The following RAB21 variants were observed in gnomAD, a reference collection of about 807,000 sequenced individuals.
RAB21 encodes RAB21, member RAS oncogene family, also known as ras-related protein Rab-21.
A neutral mutation model predicts 33.1 loss-of-function variants in RAB21; 13 were observed. That is an observed-to-expected ratio of 0.39 (90% CI 0.26 to 0.62). The LOEUF (loss-of-function observed/expected upper bound fraction) is 0.62, where lower values mean the gene tolerates loss of function less well. Among genes scored for constraint, RAB21 ranks in the 20% least tolerant of loss-of-function variants. The pLI is 0.48. For synonymous variants in RAB21, 91 were observed against 103.7 expected, an observed-to-expected ratio of 0.88 and a Z score of 0.74; for missense variants, 234 against 279.1, an observed-to-expected ratio of 0.84 and a Z score of 1.15.
Position 71,785,910 on chromosome 12 carries a change from GTTT to G in RAB21, c.*244_*246del. 3 of 357,270 alleles carry G rather than the reference GTTT, an allele frequency of 8.4e-6. No homozygotes were observed. The highest frequency in any genetic ancestry group is 9.2e-6 in the Non-Finnish European group (2 of 216,528). The allele number at this position is 357,270 out of a possible 1,614,324, so 22.1% of individuals were successfully genotyped here. Reference sequence around the variant, plus strand: ...TTTTGTTTTTTTTTTGTTTTTTTTTGTTTTTTTTTGAGACGGAGTCTCGCTCTG... The same window carrying G: ...TTTTGTTTTTTTTTTGTTTTTTTTTGTTTTTTGAGACGGAGTCTCGCTCTG... On this transcript the variant is annotated 3_prime_UTR_variant, in exon 7 of 7. Coordinates refer to ENST00000261263, the MANE Select transcript of RAB21 (RefSeq NM_014999.4).
intron 1 of RAB21, among the ~76,000 whole-genome samples, chr12:71,757,070 G>A (rs1160609570): frequency 6.6e-6 from 1 of 152,024 alleles, no homozygotes; most frequent in Non-Finnish European, 1.5e-5. Context: ...TTTCCTTTAT[G>A]CAAAGATCTA....
At chr12:71,764,565 G>A (rs1347001428) in intron 1 of RAB21, among the ~76,000 whole-genome samples, 1 of 152,080 alleles carries the variant, frequency 6.6e-6, no homozygotes, top group African/African-American at 2.4e-5. Context: ...CCTGAGCAGT[G>A]TACACCATAT....
chr12:71,773,177 A>G (rs1883068869), intron 3 of RAB21, among the ~76,000 whole-genome samples: 1 of 152,258 alleles, frequency 6.6e-6, no homozygotes, highest in African/African-American at 2.4e-5. Context: ...AGATTCATCT[A>G]CTTAATTCCA....
In RAB21 at chr12:71,789,214, A is replaced by G. The variant is rs1181605333; in HGVS notation, c.*3541A>G. ...TTTAAATCACTTTGAAAAGTACATTACTTTTATCAAAGAGTTTCTAATTAA... is the reference window on the plus strand; with the variant it reads ...TTTAAATCACTTTGAAAAGTACATTGCTTTTATCAAAGAGTTTCTAATTAA... On this transcript the variant is annotated 3_prime_UTR_variant, in exon 7 of 7. Transcript: ENST00000261263. 4 of 152,110 alleles carry G rather than the reference A, an allele frequency of 2.6e-5. No individual in the cohort carries two copies. Among genetic ancestry groups the G allele is most frequent in the Non-Finnish European group, 5.9e-5 (4 of 67,958 alleles). 9.4% of individuals were successfully genotyped at this position (152,110 alleles called of 1,614,324 possible).
intron 3 of RAB21, among the ~76,000 whole-genome samples, chr12:71,771,428 C>T (rs1592646364): frequency 6.6e-6 from 1 of 152,048 alleles, no homozygotes; most frequent in Non-Finnish European, 1.5e-5. Context: ...CAGGCTTGTT[C>T]TTGGTAAAAT....
chr12:71,771,050 C>A (rs1040575280), intron 3 of RAB21, among the ~76,000 whole-genome samples: 6 of 152,106 alleles, frequency 3.9e-5, no homozygotes, highest in African/African-American at 1.4e-4. Flanking sequence ...CACATATTTC[C>A]TTAATTCCAT....
At chr12:71,784,794 C>A (rs1437145394) in intron 6 of RAB21, among the ~76,000 whole-genome samples, 2 of 152,064 alleles carry the variant, frequency 1.3e-5, no homozygotes, top group East Asian at 3.9e-4. Context: ...CTCCATTATT[C>A]TTCAAATATC....
intron 6 of RAB21, among the ~76,000 whole-genome samples, chr12:71,783,335 GA>G (rs897213447): frequency 1.3e-5 from 2 of 151,644 alleles, no homozygotes; most frequent in African/African-American, 4.8e-5. Flanking sequence ...TATATATTCT[GA>G]AAATCATTTC....
At chr12:71,764,700 G>A (rs1177360984) in intron 1 of RAB21, among the ~76,000 whole-genome samples, 2 of 152,040 alleles carry the variant, frequency 1.3e-5, no homozygotes, top group African/African-American at 2.4e-5. Context: ...AAGTGAGAAC[G>A]TACAATATTT....
Position 71,764,585 on chromosome 12 carries a change from A to G in RAB21, c.160-5215A>G, listed in dbSNP as rs939290965. Among the ~76,000 whole-genome samples, 2 of 152,136 alleles carry G rather than the reference A, an allele frequency of 1.3e-5. 1 individual carries two copies. Among genetic ancestry groups the G allele is most frequent in the Admixed American group, 1.3e-4 (2 of 15,276 alleles). Reference sequence around the variant, plus strand: ...GCAGTGTACACCATATTCAATATGTAGTCTTTTATCCCATACCCTCCTCCA... The same window carrying G: ...GCAGTGTACACCATATTCAATATGTGGTCTTTTATCCCATACCCTCCTCCA... On this transcript the variant is annotated intron_variant, in intron 1 of 6. Coordinates refer to ENST00000261263, the MANE Select transcript of RAB21 (RefSeq NM_014999.4).
At chr12:71,762,450 C>T (rs943655126) in intron 1 of RAB21, among the ~76,000 whole-genome samples, 4 of 151,984 alleles carry the variant, frequency 2.6e-5, no homozygotes, top group Admixed American at 2.6e-4. Flanking sequence ...GGACTACAGG[C>T]GCCCGCTACC....
In RAB21 at chr12:71,795,878, G is replaced by T. The variant is rs1268850434; in HGVS notation, c.*10205G>T. Reference sequence around the variant, plus strand: ...GTTTTTTACTTCTTCAGTTTTTCAAGATAATTTTGCTGTTTTTGCTTTTTA... The same window carrying T: ...GTTTTTTACTTCTTCAGTTTTTCAATATAATTTTGCTGTTTTTGCTTTTTA... On this transcript the variant is annotated 3_prime_UTR_variant, in exon 7 of 7. Transcript: ENST00000261263. 8 of 137,864 alleles carry T rather than the reference G, an allele frequency of 5.8e-5. No individual in the cohort carries two copies. Among genetic ancestry groups the T allele is most frequent in the Admixed American group, 5.2e-4 (7 of 13,394 alleles). The allele number at this position is 137,864 out of a possible 1,614,324, so 8.5% of individuals were successfully genotyped here.
rs115627558 is a variant in RAB21 at position 71,759,770 on chromosome 12, A to G, written c.159+4482A>G. Among the ~76,000 whole-genome samples the G allele has an allele frequency of 5.6e-3, 859 of 152,340 alleles. 12 individuals are homozygous for G. Among genetic ancestry groups the G allele is most frequent in the African/African-American group, 0.02 (814 of 41,582 alleles). The stretch of plus-strand genomic sequence containing the variant: ...ATAGGCTGTGTTTCTGCAGTACTCA[A>G]ATCTATTAGGAGGCCATATAATGTG... On this transcript the variant is annotated intron_variant, in intron 1 of 6. Transcript: ENST00000261263.
At chr12:71,781,874 A>G (rs1883206198) in intron 4 of RAB21, among the ~76,000 whole-genome samples, 157 bp from the exon 5 acceptor site, 1 of 152,234 alleles carries the variant, frequency 6.6e-6, no homozygotes, top group African/African-American at 2.4e-5. Flanking sequence ...CTCAGATCAC[A>G]AGGCTTAACT....
Position 71,792,046 on chromosome 12 carries a change from G to T in RAB21, c.*6373G>T, listed in dbSNP as rs927194204. On this transcript the variant is annotated 3_prime_UTR_variant, in exon 7 of 7. Coordinates refer to ENST00000261263, the MANE Select transcript of RAB21 (RefSeq NM_014999.4). The stretch of plus-strand genomic sequence containing the variant: ...CCACCCACGCCTGGCTAATTGTTTT[G>T]TTTTTTTTGTGGAGATGGCTCTCAC... 6.6e-6 allele frequency: 1 copy of T among 151,556 alleles called. No homozygotes were observed. The highest frequency in any genetic ancestry group is 1.5e-5 in the Non-Finnish European group (1 of 67,868). The allele number at this position is 151,556 out of a possible 1,614,324, so 9.4% of individuals were successfully genotyped here. A position where few individuals can be genotyped will look rare whatever the true frequency, so the allele number is the denominator to read the frequency against.
At chr12:71,785,130 A>G (rs954748815) in intron 6 of RAB21, among the ~76,000 whole-genome samples, 3 of 152,158 alleles carry the variant, frequency 2.0e-5, no homozygotes, top group Non-Finnish European at 4.4e-5. Flanking sequence ...ATTTACTTAA[A>G]AGTATTACAT....
In RAB21 at chr12:71,785,876, A is replaced by C. The variant is rs529546481; in HGVS notation, c.*203A>C. 1.8e-4 allele frequency: 102 copies of C among 564,010 alleles called. No homozygotes were observed. The highest frequency in any genetic ancestry group is 1.7e-3 in the African/African-American group (88 of 51,026). 34.9% of individuals were successfully genotyped at this position (564,010 alleles called of 1,614,324 possible). A position where few individuals can be genotyped will look rare whatever the true frequency, so the allele number is the denominator to read the frequency against. On this transcript the variant is annotated 3_prime_UTR_variant, in exon 7 of 7. Transcript: ENST00000261263. ...GACCAGAGAATTGGCATTTTCTACA[A>C]ATGTTTTTTTTTGTTTTTTTTTTGT...
At chr12:71,756,616 C>T (rs185859167) in intron 1 of RAB21, among the ~76,000 whole-genome samples, 10 of 152,272 alleles carry the variant, frequency 6.6e-5, no homozygotes, top group Admixed American at 2.6e-4. Context: ...CAGGAAACTG[C>T]ATTTTTAAAA....
At chr12:71,782,441 C>T in intron 5 of RAB21, 129 bp from the exon 6 acceptor site, 1 of 581,634 alleles carries the variant, frequency 1.7e-6, no homozygotes, top group Non-Finnish European at 2.9e-6. Context: ...ATTTAAATAG[C>T]TATATAAACT....
Sources: gnomAD v4.1 joint callset for allele counts (sites outside exome capture counted in the v4.1 genomes callset) on GRCh38, gnomAD v4.1.1 for gene constraint, MANE v1.5 for transcripts, NCBI Gene and HGNC (gene_info 2026-07-23, HGNC 2026-07-21) for gene names.